The following GIGYF2 variants were observed in gnomAD, a reference collection of about 807,000 sequenced individuals.
GIGYF2 encodes GRB10-interacting GYF protein 2.
In GIGYF2, 25 loss-of-function variants were observed where a neutral mutation model predicts 208.1. The ratio of observed to expected loss-of-function variants is 0.12; its 90% CI spans 0.09 to 0.17. The LOEUF is 0.17. GIGYF2 is among the 10% of genes least tolerant of loss of function. The probability of loss-of-function intolerance (pLI) is 1.00; values close to 1 mark genes in which losing one functional copy is unlikely to be tolerated. For synonymous variants in GIGYF2, 534 were observed against 543.8 expected, an observed-to-expected ratio of 0.98 and a Z score of 0.25; for missense variants, 1,302 against 1,579.4, an observed-to-expected ratio of 0.82 and a Z score of 2.98.
At chr2:232,843,596 G>A (rs1484361380) in intron 23 of GIGYF2, among the ~76,000 whole-genome samples, 3 of 148,090 alleles carry the variant, frequency 2.0e-5, no homozygotes, top group African/African-American at 7.5e-5. Flanking sequence ...TTCTGAGGCC[G>A]GGCACTGTGG....
chr2:232,847,230 G>A, intron 26 of GIGYF2, 118 bp from the exon 27 acceptor site: 2 of 984,734 alleles, frequency 2.0e-6, no homozygotes, highest in Admixed American at 1.7e-5. Context: ...TACTTACCAA[G>A]TGTCTGTCAT....
chr2:232,796,688 A>G (rs561579927), intron 14 of GIGYF2, among the ~76,000 whole-genome samples: 41 of 152,238 alleles, frequency 2.7e-4, no homozygotes, highest in South Asian at 6.2e-4. Flanking sequence ...GTGAAACTCC[A>G]TCTCTACTAA....
At position 232,847,541 on chromosome 2, in the gene GIGYF2, A is replaced by G. The variant is rs756394568; in HGVS notation, c.3654A>G (p.Pro1218=). ...CACAGCAGCAGCAGCAGCAGCCGCCACAGCAGCCGCCACAGCAGCCACAAC... is the reference window on the plus strand; with the variant it reads ...CACAGCAGCAGCAGCAGCAGCCGCCGCAGCAGCCGCCACAGCAGCCACAAC... ...QLPQQQQQQP[P]QQPPQQPQQQ... Residue 1218 remains proline (P), a synonymous_variant, in exon 27 of 29, where the codon CCA becomes CCG. Transcript: ENST00000373563. The G allele has an allele frequency of 1.2e-5, 19 of 1,602,606 alleles. No individual in the cohort carries two copies. In the South Asian group the frequency reaches 1.5e-4, roughly 13 times the overall value.
At position 232,806,358 on chromosome 2, in the gene GIGYF2, T is replaced by C; in HGVS notation, c.1640-133T>C. 1.4e-6 allele frequency: 1 copy of C among 728,072 alleles called. No individual in the cohort carries two copies. The highest frequency in any genetic ancestry group is 2.5e-6 in the Non-Finnish European group (1 of 402,436). 45.1% of individuals were successfully genotyped at this position (728,072 alleles called of 1,614,324 possible). ...GAAATCTGTTAGCTACCTTTAGAGGTGAATTAAATTAGATAGTATAAAACA... is the reference window on the plus strand; with the variant it reads ...GAAATCTGTTAGCTACCTTTAGAGGCGAATTAAATTAGATAGTATAAAACA... On this transcript the variant is annotated intron_variant, in intron 14 of 28. Coordinates refer to ENST00000373563, the MANE Select transcript of GIGYF2 (RefSeq NM_001103146.3). This position sits in a 1 kb window ranked among gnomAD's most constrained non-coding sequence, Gnocchi z 4.0.
intron 2 of GIGYF2, among the ~76,000 whole-genome samples, chr2:232,717,039 C>T (rs1696715860): frequency 6.6e-6 from 1 of 151,384 alleles, no homozygotes; most frequent in Non-Finnish European, 1.5e-5. Flanking sequence ...GTCTCAAACT[C>T]CTGGGCTCAA....
intron 2 of GIGYF2, among the ~76,000 whole-genome samples, chr2:232,723,305 AATT>A (rs1468145420): frequency 6.6e-6 from 1 of 152,152 alleles, no homozygotes; most frequent in East Asian, 1.9e-4. Flanking sequence ...ATTTTTATTG[AATT>A]ATTAAAATTC....
chr2:232,718,680 A>C (rs1302591060), intron 2 of GIGYF2, among the ~76,000 whole-genome samples: 2 of 152,206 alleles, frequency 1.3e-5, no homozygotes, highest in Admixed American at 1.3e-4. Context: ...ACTAATTTGC[A>C]CTAATAAAGT....
At chr2:232,771,593 C>G (rs1243494281) in intron 8 of GIGYF2, among the ~76,000 whole-genome samples, 2 of 152,102 alleles carry the variant, frequency 1.3e-5, no homozygotes, top group Admixed American at 1.3e-4. Flanking sequence ...TCTATTGTTT[C>G]TTTGAATGAC....
chr2:232,784,421 G>A (rs1256870339), intron 8 of GIGYF2, among the ~76,000 whole-genome samples: 2 of 92,542 alleles, frequency 2.2e-5, no homozygotes, highest in Admixed American at 1.7e-4. Context: ...ACGGAGTCTT[G>A]CTCTGTCACC....
chr2:232,805,707 AGT>A (rs1320704985), intron 14 of GIGYF2, among the ~76,000 whole-genome samples: 1 of 152,168 alleles, frequency 6.6e-6, no homozygotes, highest in African/African-American at 2.4e-5. Flanking sequence ...TGAGACCCCT[AGT>A]TAGCCTGCCT....
At chr2:232,791,523 C>T (rs1032693201) in intron 12 of GIGYF2, 77 bp downstream of exon 12, 8 of 1,236,048 alleles carry the variant, frequency 6.5e-6, no homozygotes, top group Admixed American at 3.9e-5. Flanking sequence ...TAGGCTTCTG[C>T]TTATGCCTCC....
At chr2:232,741,048 A>G (rs1008287638) in intron 3 of GIGYF2, among the ~76,000 whole-genome samples, 2 of 152,190 alleles carry the variant, frequency 1.3e-5, no homozygotes, top group Non-Finnish European at 2.9e-5. Flanking sequence ...AAATAATTTC[A>G]CTTTGTCATA....
intron 18 of GIGYF2, 101 bp downstream of exon 18, chr2:232,812,592 A>T: frequency 1.5e-6 from 1 of 675,900 alleles, no homozygotes; most frequent in South Asian, 1.6e-5. Flanking sequence ...TTCTGAATCC[A>T]TTTTGTATTT....
intron 8 of GIGYF2, among the ~76,000 whole-genome samples, chr2:232,769,488 A>G (rs1448272770): frequency 1.4e-5 from 2 of 147,484 alleles, no homozygotes; most frequent in African/African-American, 5.0e-5. Flanking sequence ...CCTGGGCAAC[A>G]GAGGAAGACT....
intron 14 of GIGYF2, among the ~76,000 whole-genome samples, chr2:232,804,135 G>A (rs555014498): frequency 6.6e-6 from 1 of 151,484 alleles, no homozygotes; most frequent in South Asian, 2.1e-4. Flanking sequence ...TATTTCCTTC[G>A]CCTTTCCATA....
intron 8 of GIGYF2, among the ~76,000 whole-genome samples, chr2:232,770,391 C>G (rs1327998199): frequency 2.0e-5 from 3 of 152,134 alleles, no homozygotes; most frequent in African/African-American, 4.8e-5. Flanking sequence ...AACTTGTTCT[C>G]TAACATATAA....
chr2:232,798,202 T>C (rs1574897406), intron 14 of GIGYF2, among the ~76,000 whole-genome samples: 1 of 152,302 alleles, frequency 6.6e-6, no homozygotes, highest in African/African-American at 2.4e-5. Context: ...AGCATAATTC[T>C]CTGGAGATTA....
intron 2 of GIGYF2, among the ~76,000 whole-genome samples, chr2:232,727,277 T>C (rs1697244329): frequency 6.6e-6 from 1 of 152,184 alleles, no homozygotes; most frequent in South Asian, 2.1e-4. Context: ...ATCATACAGC[T>C]TTTAAAAACT....
At chr2:232,733,697 C>T (rs1697606799) in intron 2 of GIGYF2, among the ~76,000 whole-genome samples, 1 of 152,084 alleles carries the variant, frequency 6.6e-6, no homozygotes, top group African/African-American at 2.4e-5. Flanking sequence ...TGCTCAAGTC[C>T]CTAATGTAAA....
Sources: allele counts gnomAD v4.1 joint callset (sites outside exome capture counted in the v4.1 genomes callset), GRCh38; gene constraint gnomAD v4.1.1; non-coding constraint Gnocchi (gnomAD v3.1); transcripts MANE v1.5; gene names NCBI Gene and HGNC (gene_info 2026-07-23, HGNC 2026-07-21).